Variants in VPS13B observed in about 807,000 individuals in gnomAD.
VPS13B encodes intermembrane lipid transfer protein VPS13B.
A neutral mutation model predicts 426.4 loss-of-function variants in VPS13B; 285 were observed. The observed-to-expected ratio is 0.67, with a 90% CI of 0.61 to 0.74. The LOEUF (loss-of-function observed/expected upper bound fraction) is 0.74, where lower values mean the gene tolerates loss of function less well. Ranked by LOEUF, VPS13B falls within the 30% of genes least tolerant of loss-of-function variation. VPS13B has a pLI of 0.00. For missense variants in VPS13B, 4,537 were observed against 4,782.6 expected (o/e 0.95, Z 1.51); for synonymous variants, 1,676 against 1,676.4 (o/e 1.00, Z 0.01).
rs150376603 is a variant in VPS13B at position 99,511,430 on chromosome 8, C to G, written c.4551C>G (p.Arg1517=). ...QPMRTHTLTS[R]NLPLIYVNTS... is the part of the protein sequence containing the mutation. The stretch of plus-strand genomic sequence containing the variant: ...TGAGGACCCATACACTGACATCCCG[C>G]AATTTACCTTTGATTTATGTCAACA... Residue 1517 remains arginine (R), a synonymous_variant, in exon 29 of 62, where the codon CGC becomes CGG. Transcript: ENST00000357162. 6.6e-5 allele frequency: 107 copies of G among 1,613,400 alleles called. 2 individuals carry two copies. In the East Asian group the frequency reaches 2.3e-3, roughly 35 times the overall value.
rs1312336630 is a variant in VPS13B, at chr8:99,640,073, A to AGAAGAAG, written c.5221-1738_5221-1737insGAAGAAG. Reference sequence around the variant, plus strand: ...AGAGAAAAGAAAAGAAAAGAAAAGAAAAGAAAAGAAAAGAAAAGAAAAGAA... The same window carrying AGAAGAAG: ...AGAGAAAAGAAAAGAAAAGAAAAGAAGAAGAAGAAGAAAAGAAAAGAAAAGAAAAGAA... On this transcript the variant is annotated intron_variant, in intron 33 of 61. Transcript: ENST00000357162. 3.5e-5 allele frequency among the ~76,000 whole-genome samples: 5 copies of AGAAGAAG among 143,074 alleles called. 1 individual carries two copies. The highest frequency in any genetic ancestry group is 4.2e-4 in the East Asian group (2 of 4,810). The allele number at this position is 143,074 out of a possible 152,430, so 93.9% of individuals were successfully genotyped here. A position where few individuals can be genotyped will look rare whatever the true frequency, so the allele number is the denominator to read the frequency against.
Position 99,828,392 on chromosome 8 carries a change from CCGTTTTTTT to C in VPS13B, c.9331-3976_9331-3968del, listed in dbSNP as rs1814824338. Reference sequence around the variant, plus strand: ...TTATCAGAGACTAGGATTACAACCACCGTTTTTTTTTTTTTTTTTTTTTTTTTTTTTTTT... The same window carrying C: ...TTATCAGAGACTAGGATTACAACCACTTTTTTTTTTTTTTTTTTTTTTTTT... On this transcript the variant is annotated intron_variant, in intron 51 of 61. Coordinates refer to ENST00000357162, the MANE Select transcript of VPS13B (RefSeq NM_152564.5). Among the ~76,000 whole-genome samples the C allele has an allele frequency of 4.6e-4, 22 of 47,640 alleles. 2 individuals carry two copies. The highest frequency in any genetic ancestry group is 3.6e-3 in the East Asian group (5 of 1,378). 31.3% of individuals were successfully genotyped at this position (47,640 alleles called of 152,430 possible). A position where few individuals can be genotyped will look rare whatever the true frequency, so the allele number is the denominator to read the frequency against.
At chr8:99,604,458 C>T (rs1345086171) in intron 33 of VPS13B, among the ~76,000 whole-genome samples, 1 of 150,506 alleles carries the variant, frequency 6.6e-6, no homozygotes, top group Non-Finnish European at 1.5e-5. Flanking sequence ...TCCATAGGTT[C>T]CTCTAGAATA....
chr8:99,663,861 A>G (rs1273407714), intron 35 of VPS13B, among the ~76,000 whole-genome samples: 1 of 152,234 alleles, frequency 6.6e-6, no homozygotes, highest in Non-Finnish European at 1.5e-5. Flanking sequence ...TTGTAAAACA[A>G]TGGAATTTGA....
intron 19 of VPS13B, among the ~76,000 whole-genome samples, chr8:99,351,825 A>T (rs1811911347): frequency 6.6e-6 from 1 of 152,146 alleles, no homozygotes; most frequent in Non-Finnish European, 1.5e-5. Flanking sequence ...CTTTGTTATG[A>T]GTTCTGTTAG....
At position 99,358,501 on chromosome 8, in the gene VPS13B, C is replaced by T. The variant is rs550549980; in HGVS notation, c.2825-25707C>T. Among the ~76,000 whole-genome samples the T allele has an allele frequency of 2.3e-4, 35 of 152,032 alleles. No homozygotes were observed. The East Asian group carries it at 6.2e-3, about 27-fold the overall frequency. ...GTTATTTTCTTTACACATAAAATACCGTAACCATATGAGAAGAATGTCAAC... is the reference window on the plus strand; with the variant it reads ...GTTATTTTCTTTACACATAAAATACTGTAACCATATGAGAAGAATGTCAAC... On this transcript the variant is annotated intron_variant, in intron 19 of 61. Transcript: ENST00000357162.
chr8:99,591,219 C>G (rs939264361), intron 33 of VPS13B, among the ~76,000 whole-genome samples: 1 of 147,656 alleles, frequency 6.8e-6, no homozygotes, highest in African/African-American at 2.5e-5. Context: ...TCCTCCATCC[C>G]TTTATTTTGA....
chr8:99,110,718 C>T (rs185594948), intron 5 of VPS13B, among the ~76,000 whole-genome samples: 134 of 151,686 alleles, frequency 8.8e-4, no homozygotes, highest in African/African-American at 3.0e-3. Flanking sequence ...TGAATGACTT[C>T]TTCAAAAAAT....
chr8:99,809,332 T>A (rs768408484), intron 43 of VPS13B, 43 bp from the exon 44 acceptor site: 2 of 1,613,320 alleles, frequency 1.2e-6, no homozygotes, highest in Non-Finnish European at 1.7e-6. Context: ...TAGGTTTTTG[T>A]TGGCACGTTT....
At chr8:99,709,748 A>G (rs1456632814) in intron 36 of VPS13B, among the ~76,000 whole-genome samples, 1 of 152,196 alleles carries the variant, frequency 6.6e-6, no homozygotes, top group Admixed American at 6.5e-5. Flanking sequence ...TCACATAATC[A>G]CTAAATGCAA....
intron 43 of VPS13B, among the ~76,000 whole-genome samples, chr8:99,807,517 A>G (rs1813464344): frequency 6.6e-6 from 1 of 151,740 alleles, no homozygotes; most frequent in South Asian, 2.1e-4. Flanking sequence ...CTTGATTCCC[A>G]GTTGCTGCTA....
At chr8:99,511,026 G>T in intron 28 of VPS13B, 78 bp from the exon 29 acceptor site, 1 of 1,507,480 alleles carries the variant, frequency 6.6e-7, no homozygotes, top group Non-Finnish European at 9.1e-7. Context: ...TACTCACTGA[G>T]GTCATTTTCT....
At chr8:99,242,113 T>C (rs1395786946) in intron 17 of VPS13B, among the ~76,000 whole-genome samples, 1 of 152,176 alleles carries the variant, frequency 6.6e-6, no homozygotes, top group Non-Finnish European at 1.5e-5. Context: ...CCCAAGTAGC[T>C]GAGATTACAG....
intron 19 of VPS13B, among the ~76,000 whole-genome samples, chr8:99,359,533 TA>T (rs2133231208): frequency 6.6e-6 from 1 of 152,324 alleles, no homozygotes; most frequent in East Asian, 1.9e-4. Flanking sequence ...AAGTGAAGTA[TA>T]TACTAGATAT....
intron 36 of VPS13B, among the ~76,000 whole-genome samples, chr8:99,704,809 G>A (rs1832430780): frequency 1.3e-5 from 2 of 152,118 alleles, no homozygotes; most frequent in Admixed American, 1.3e-4. Flanking sequence ...ACCTCATTGG[G>A]TCTGTAACAT....
chr8:99,261,632 A>T (rs1289381062), intron 17 of VPS13B, among the ~76,000 whole-genome samples: 2 of 152,148 alleles, frequency 1.3e-5, no homozygotes, highest in Non-Finnish European at 2.9e-5. Flanking sequence ...TTTGTATGAA[A>T]CTATCAAACT....
intron 25 of VPS13B, among the ~76,000 whole-genome samples, chr8:99,489,160 T>C (rs1286366670): frequency 6.6e-6 from 1 of 152,206 alleles, no homozygotes; most frequent in Non-Finnish European, 1.5e-5. Context: ...CTGTTACTTG[T>C]TTTTGTCAGG....
intron 24 of VPS13B, among the ~76,000 whole-genome samples, chr8:99,476,967 CAT>C (rs946155010): frequency 9.9e-5 from 15 of 152,162 alleles, no homozygotes; most frequent in East Asian, 3.9e-4. Context: ...GCTTTTTTCA[CAT>C]GTTTATTTTC....
rs140322480 is a variant in VPS13B at position 99,291,051 on chromosome 8, G to A, written c.2824+15797G>A. 3.3e-5 allele frequency among the ~76,000 whole-genome samples: 5 copies of A among 152,132 alleles called. No homozygotes were observed. The East Asian group carries it at 7.7e-4, about 24-fold the overall frequency. On this transcript the variant is annotated intron_variant, in intron 19 of 61. Coordinates refer to ENST00000357162, the MANE Select transcript of VPS13B (RefSeq NM_152564.5). ...CTAGCATAGGCAGTAGTGTGGATGA[G>A]GATAAATGACAGGAGGCCATGAGAA... is the stretch of plus-strand genomic sequence containing the variant.
Sources: gnomAD v4.1 joint callset for allele counts (sites outside exome capture counted in the v4.1 genomes callset) on GRCh38, gnomAD v4.1.1 for gene constraint, MANE v1.5 for transcripts, NCBI Gene and HGNC (gene_info 2026-07-23, HGNC 2026-07-21) for gene names.